Variants in DIP2C observed in about 807,000 individuals in gnomAD.
The protein encoded by DIP2C is disco-interacting protein 2 homolog C.
In DIP2C, 33 loss-of-function variants were observed where a neutral mutation model predicts 192.4. The observed-to-expected ratio is 0.17, with a 90% confidence interval of 0.13 to 0.23. The LOEUF (loss-of-function observed/expected upper bound fraction) is 0.23, where lower values mean the gene tolerates loss of function less well. Among genes scored for constraint, DIP2C ranks in the 10% least tolerant of loss-of-function variants. The pLI is 1.00. For synonymous variants in DIP2C, 979 were observed against 864.1 expected (o/e 1.13, Z -2.33); for missense variants, 1,537 against 2,110.1 (o/e 0.73, Z 5.32).
intron 14 of DIP2C, 147 bp from the exon 15 acceptor site, chr10:384,786 G>C: frequency 1.4e-6 from 1 of 732,890 alleles, no homozygotes; most frequent in South Asian, 1.8e-5. Context: ...GCCCCTGGAG[G>C]CTCCTCAGGG....
At chr10:378,720 C>T (rs963729343) in intron 17 of DIP2C, among the ~76,000 whole-genome samples, 24 of 151,900 alleles carry the variant, frequency 1.6e-4, no homozygotes, top group African/African-American at 4.4e-4. Context: ...TGCACAGACA[C>T]GTGAACAGAC....
chr10:342,557 C>T (rs1958208918), intron 28 of DIP2C, among the ~76,000 whole-genome samples: 1 of 152,214 alleles, frequency 6.6e-6, no homozygotes, highest in Admixed American at 6.5e-5. Flanking sequence ...CGGCTATCTC[C>T]ACGGCTGGAC....
At chr10:459,688 C>A (rs116289137) in intron 3 of DIP2C, among the ~76,000 whole-genome samples, 2,314 of 150,008 alleles carry the variant, frequency 0.015, 60 homozygotes, top group African/African-American at 0.054. Flanking sequence ...GCGTGCTGCA[C>A]GTGGGCTCTA....
chr10:624,138 G>A (rs971833986), intron 1 of DIP2C, among the ~76,000 whole-genome samples: 1 of 152,240 alleles, frequency 6.6e-6, no homozygotes, highest in Admixed American at 6.5e-5. Flanking sequence ...CCAGAGAAGG[G>A]AGCCGCACGG....
intron 1 of DIP2C, among the ~76,000 whole-genome samples, chr10:513,187 G>A (rs1051941550): frequency 4.7e-5 from 6 of 128,980 alleles, no homozygotes; most frequent in African/African-American, 1.1e-4. Context: ...GGTGCTGTAT[G>A]CCTAAATTAT....
chr10:356,554 G>T, intron 23 of DIP2C, 48 bp from the exon 24 acceptor site: 1 of 1,545,138 alleles, frequency 6.5e-7, no homozygotes. Flanking sequence ...GTTGGATCAG[G>T]CTGTGCGGGC....
intron 29 of DIP2C, among the ~76,000 whole-genome samples, chr10:338,321 G>A (rs910063650): frequency 3.9e-5 from 6 of 152,236 alleles, no homozygotes; most frequent in African/African-American, 7.2e-5. Context: ...GTGTGCAGTC[G>A]TGTCCTGGCC....
rs1588320624 is a variant in DIP2C at position 503,695 on chromosome 10, G to A, written c.86-17165C>T. 2.0e-5 allele frequency among the ~76,000 whole-genome samples: 3 copies of A among 152,160 alleles called. No individual in the cohort carries two copies. The East Asian group carries it at 5.8e-4, about 29-fold the overall frequency. On this transcript the variant is annotated intron_variant, in intron 1 of 36. Transcript: ENST00000280886. Reference sequence around the variant, plus strand: ...ATATTCCTTCGGCTCTTACCCCTCTGCTGTGCCAAACACCGAGTTAACGTT... The same window carrying A: ...ATATTCCTTCGGCTCTTACCCCTCTACTGTGCCAAACACCGAGTTAACGTT...
intron 24 of DIP2C, among the ~76,000 whole-genome samples, chr10:355,690 T>G (rs773528098): frequency 1.6e-4 from 24 of 152,244 alleles, no homozygotes; most frequent in Non-Finnish European, 3.2e-4. Context: ...GAGTGTAGTT[T>G]TCTCATGTAA....
intron 2 of DIP2C, among the ~76,000 whole-genome samples, chr10:480,825 G>A (rs1256865754): frequency 6.6e-6 from 1 of 152,240 alleles, no homozygotes; most frequent in Non-Finnish European, 1.5e-5. Context: ...GCCGACGGGA[G>A]CACGGCTGAT....
At chr10:418,228 AGGGCTTCGATAGGCCTCCCTGTTCACTG>A (rs1965920280) in intron 6 of DIP2C, among the ~76,000 whole-genome samples, 3 of 119,540 alleles carry the variant, frequency 2.5e-5, no homozygotes, top group African/African-American at 1.1e-4. Context: ...TGTTCCTGTC[AGGGCTTCGATAGGCCTCCCTGTTCACTG>A]CACCTGTCAG....
chr10:334,320 A>AAG (rs936800325), intron 29 of DIP2C, among the ~76,000 whole-genome samples: 10 of 151,318 alleles, frequency 6.6e-5, no homozygotes, highest in African/African-American at 2.2e-4. Flanking sequence ...AAAAAAAAAA[A>AAG]AAAAAGAAAA....
intron 32 of DIP2C, among the ~76,000 whole-genome samples, chr10:300,160 T>C (rs150854059): frequency 5.9e-5 from 9 of 152,226 alleles, no homozygotes; most frequent in Admixed American, 2.0e-4. Context: ...CACTTCTGAG[T>C]ATATACCCAG....
chr10:302,811 G>C (rs1239108113), intron 32 of DIP2C, among the ~76,000 whole-genome samples: 4 of 152,216 alleles, frequency 2.6e-5, no homozygotes, highest in Middle Eastern at 3.4e-3. Flanking sequence ...ACCCATATAG[G>C]GAACTTACCC....
intron 10 of DIP2C, among the ~76,000 whole-genome samples, chr10:393,347 T>TA (rs1042732891): frequency 1.3e-5 from 2 of 152,110 alleles, no homozygotes; most frequent in Admixed American, 1.3e-4. Flanking sequence ...TTCTTTCAGT[T>TA]AAAAATAAGA....
chr10:382,494 A>T, intron 17 of DIP2C, 153 bp downstream of exon 17: 1 of 608,482 alleles, frequency 1.6e-6, no homozygotes, highest in Non-Finnish European at 2.9e-6. Flanking sequence ...AATCTGTTCC[A>T]GCACATAAAA....
intron 1 of DIP2C, among the ~76,000 whole-genome samples, chr10:626,933 C>T (rs1854240324): frequency 6.6e-6 from 1 of 152,256 alleles, no homozygotes; most frequent in South Asian, 2.1e-4. Flanking sequence ...CAGTTTTCCA[C>T]CCACCAGCTA....
At chr10:287,764 CAAAA>C (rs907443760) in intron 33 of DIP2C, among the ~76,000 whole-genome samples, 1 of 149,824 alleles carries the variant, frequency 6.7e-6, no homozygotes, top group Non-Finnish European at 1.5e-5. Context: ...AAAACAGAAA[CAAAA>C]AACACACCCA....
intron 14 of DIP2C, among the ~76,000 whole-genome samples, chr10:387,150 G>A (rs191749987): frequency 3.1e-4 from 47 of 152,310 alleles, no homozygotes; most frequent in Non-Finnish European, 8.8e-5. Flanking sequence ...AACCTTTGAC[G>A]TTATTCTAAG....
Sources: gnomAD v4.1 joint callset for allele counts (sites outside exome capture counted in the v4.1 genomes callset) on GRCh38, gnomAD v4.1.1 for gene constraint, MANE v1.5 for transcripts, NCBI Gene and HGNC (gene_info 2026-07-23, HGNC 2026-07-21) for gene names.